The following TMEM167B variants were observed in gnomAD, a reference collection of about 807,000 sequenced individuals.
TMEM167B encodes the protein transmembrane protein 167B.
A neutral mutation model predicts 9.4 loss-of-function variants in TMEM167B; 2 were observed. The ratio of observed to expected loss-of-function variants is 0.21; its 90% CI spans 0.09 to 0.67. The LOEUF (loss-of-function observed/expected upper bound fraction) is 0.67. TMEM167B is among the 30% of genes least tolerant of loss of function. TMEM167B has a pLI of 0.82. For missense variants in TMEM167B, 68 were observed against 87.6 expected (o/e 0.78, Z 0.89); for synonymous variants, 28 against 32.0 (o/e 0.87, Z 0.42).
At chr1:109,091,212 G>A (rs1351744864) in intron 1 of TMEM167B, among the ~76,000 whole-genome samples, 3 of 152,180 alleles carry the variant, frequency 2.0e-5, no homozygotes, top group Non-Finnish European at 2.9e-5. Context: ...GGAAGAGAGA[G>A]GCTCCTCCTC....
chr1:109,095,190 T>C lies in TMEM167B; in HGVS notation c.*691T>C, dbSNP rs1272176844. ...GTGATGAGACCAGAAAGCAGTGGCT[T>C]AGACAAGAAAAAATCTTTCTGTTCA... On this transcript the variant is annotated 3_prime_UTR_variant, in exon 3 of 3. Transcript: ENST00000338272. 1 of 152,216 alleles carries C rather than the reference T, an allele frequency of 6.6e-6. No homozygotes were observed. Among genetic ancestry groups the C allele is most frequent in the African/African-American group, 2.4e-5 (1 of 41,434 alleles). The allele number at this position is 152,216 out of a possible 1,614,324, so 9.4% of individuals were successfully genotyped here.
In TMEM167B at chr1:109,096,555, T is replaced by C. The variant is rs923624859; in HGVS notation, c.*2056T>C. 6.6e-6 allele frequency: 1 copy of C among 152,236 alleles called. No homozygotes were observed. The highest frequency in any genetic ancestry group is 2.4e-5 in the African/African-American group (1 of 41,458). The allele number at this position is 152,236 out of a possible 1,614,324, so 9.4% of individuals were successfully genotyped here. A position where few individuals can be genotyped will look rare whatever the true frequency, so the allele number is the denominator to read the frequency against. ...CGTCTTGACCCAAACTCTTGTGTTG[T>C]TACATTTTGAGAGGTTTTCATACCA... On this transcript the variant is annotated 3_prime_UTR_variant, in exon 3 of 3. Transcript: ENST00000338272.
At chr1:109,093,309 C>A (rs148067233) in intron 2 of TMEM167B, 20 of 316,438 alleles carry the variant, frequency 6.3e-5, no homozygotes, top group African/African-American at 3.6e-4. Flanking sequence ...CCGGGCAACA[C>A]AGTGAGACCC....
In TMEM167B at chr1:109,096,299, A is replaced by T. The variant is rs1412861273; in HGVS notation, c.*1800A>T. The T allele has an allele frequency of 6.6e-5, 10 of 152,216 alleles. No homozygotes were observed. The highest frequency in any genetic ancestry group is 6.5e-4 in the Admixed American group (10 of 15,286). The allele number at this position is 152,216 out of a possible 1,614,324, so 9.4% of individuals were successfully genotyped here. On this transcript the variant is annotated 3_prime_UTR_variant, in exon 3 of 3. Transcript: ENST00000338272. ...AGAAAGGAAATCTAGTGGAACAGGA[A>T]AGAGAGTTACACCTTGTGGGTGTGA...
rs1324400108 is a variant in TMEM167B at position 109,096,780 on chromosome 1, G to A, written c.*2281G>A. On this transcript the variant is annotated 3_prime_UTR_variant, in exon 3 of 3. Transcript: ENST00000338272. ...GGGAATCTTTTACAGGTGGAGGAAT[G>A]GGGATAGCAGTATTGCCTCAGATTC... The A allele has an allele frequency of 6.6e-6, 1 of 152,206 alleles. No homozygotes were observed. Among genetic ancestry groups the A allele is most frequent in the Non-Finnish European group, 1.5e-5 (1 of 68,042 alleles). The allele number at this position is 152,206 out of a possible 1,614,324, so 9.4% of individuals were successfully genotyped here.
In TMEM167B at chr1:109,090,810, C is replaced by T. The variant is rs952662718; in HGVS notation, c.-63C>T. On this transcript the variant is annotated 5_prime_UTR_variant, in exon 1 of 3. Coordinates refer to ENST00000338272, the MANE Select transcript of TMEM167B (RefSeq NM_020141.4). ...ATCGGGAAGTGTCAAGCGGGCGCTC[C>T]CCCATCTCCGCCGCTATTACCACTG... 8 of 1,558,182 alleles carry T rather than the reference C, an allele frequency of 5.1e-6. No homozygotes were observed. Among genetic ancestry groups the T allele is most frequent in the Middle Eastern group, 1.7e-4 (1 of 6,008 alleles).
chr1:109,091,025 A>G, intron 1 of TMEM167B, 143 bp downstream of exon 1: 1 of 936,540 alleles, frequency 1.1e-6, no homozygotes. Context: ...TAACTTCTGT[A>G]CCCCTATACT....
chr1:109,093,865 G>C (rs1378931325), intron 2 of TMEM167B: 1 of 152,836 alleles, frequency 6.5e-6, no homozygotes, highest in Non-Finnish European at 1.5e-5. Context: ...GGCCGGATGC[G>C]GTGGCTCATG....
Position 109,090,900 on chromosome 1 carries a change from G to A in TMEM167B, c.10+18G>A, listed in dbSNP as rs750847784. On this transcript the variant is annotated intron_variant, in intron 1 of 2. Transcript: ENST00000338272. ...GACGAACGGTGAGAACTGATGCCCT[G>A]AGCGGAGGGTGGGAGTGAAGGACGA... 6.3e-7 allele frequency: 1 copy of A among 1,587,398 alleles called. No homozygotes were observed.
At position 109,090,930 on chromosome 1, in the gene TMEM167B, A is replaced by C. The variant is rs748953384; in HGVS notation, c.10+48A>C. On this transcript the variant is annotated intron_variant, in intron 1 of 2. Coordinates refer to ENST00000338272, the MANE Select transcript of TMEM167B (RefSeq NM_020141.4). ...GAGGGTGGGAGTGAAGGACGAAGGG[A>C]AAACGTGGCGGGCGGGGCCGGGACT... 1.9e-6 allele frequency: 3 copies of C among 1,563,400 alleles called. No individual in the cohort carries two copies. The African/African-American group carries it at 4.1e-5, about 21-fold the overall frequency.
chr1:109,093,916 C>T (rs1353955198), intron 2 of TMEM167B: 1 of 154,682 alleles, frequency 6.5e-6, no homozygotes, highest in African/African-American at 2.4e-5. Flanking sequence ...GAGGGCAGAT[C>T]ACCCAAGGTC....
intron 1 of TMEM167B, among the ~76,000 whole-genome samples, 178 bp downstream of exon 1, chr1:109,091,060 A>C (rs1225173152): frequency 2.7e-5 from 4 of 148,582 alleles, no homozygotes; most frequent in African/African-American, 1.0e-4. Context: ...CCCTTCCCAT[A>C]TTCATCTAGG....
At position 109,096,805 on chromosome 1, in the gene TMEM167B, C is replaced by T. The variant is rs575473153; in HGVS notation, c.*2306C>T. 61 of 152,196 alleles carry T rather than the reference C, an allele frequency of 4.0e-4. No homozygotes were observed. The highest frequency in any genetic ancestry group is 7.8e-4 in the Non-Finnish European group (53 of 68,032). 9.4% of individuals were successfully genotyped at this position (152,196 alleles called of 1,614,324 possible). On this transcript the variant is annotated 3_prime_UTR_variant, in exon 3 of 3. Transcript: ENST00000338272. ...GGGGATAGCAGTATTGCCTCAGATT[C>T]AAACTGGCATCACCATAAACCCTGT...
chr1:109,092,933 T>C lies in TMEM167B; in HGVS notation c.54T>C (p.Val18=). 1 of 1,614,162 alleles carries C rather than the reference T, an allele frequency of 6.2e-7. No homozygotes were observed. The highest frequency in any genetic ancestry group is 8.5e-7 in the Non-Finnish European group (1 of 1,180,034). Residue 18 remains valine, a synonymous_variant, in exon 2 of 3, where the codon GTT becomes GTC. Transcript: ENST00000338272. ...DGILVFGLLF[V]CTCAYFKKVP... ...TTCTGGTGTTTGGTTTGCTCTTTGTTTGCACCTGTGCCTACTTCAAGAAAG... is the reference window on the plus strand; with the variant it reads ...TTCTGGTGTTTGGTTTGCTCTTTGTCTGCACCTGTGCCTACTTCAAGAAAG...
chr1:109,092,803 C>A (rs747964973), intron 1 of TMEM167B, 87 bp from the exon 2 acceptor site: 103 of 1,467,460 alleles, frequency 7.0e-5, no homozygotes, highest in Non-Finnish European at 9.2e-5. Context: ...TTATGTCACA[C>A]ACTATCTTCC....
At position 109,095,771 on chromosome 1, in the gene TMEM167B, C is replaced by A. The variant is rs1373269828; in HGVS notation, c.*1272C>A. On this transcript the variant is annotated 3_prime_UTR_variant, in exon 3 of 3. Transcript: ENST00000338272. Reference sequence around the variant, plus strand: ...AGAAAACAGAACTTTGCAATTGATACTGAAGTACTTTGCCATGGAGTTAGT... The same window carrying A: ...AGAAAACAGAACTTTGCAATTGATAATGAAGTACTTTGCCATGGAGTTAGT... 6.6e-6 allele frequency: 1 copy of A among 152,140 alleles called. No individual in the cohort carries two copies. The highest frequency in any genetic ancestry group is 1.5e-5 in the Non-Finnish European group (1 of 68,048). 9.4% of individuals were successfully genotyped at this position (152,140 alleles called of 1,614,324 possible). A position where few individuals can be genotyped will look rare whatever the true frequency, so the allele number is the denominator to read the frequency against.
In TMEM167B at chr1:109,094,761, A is replaced by G. The variant is rs17838311; in HGVS notation, c.*262A>G. On this transcript the variant is annotated 3_prime_UTR_variant, in exon 3 of 3. Coordinates refer to ENST00000338272, the MANE Select transcript of TMEM167B (RefSeq NM_020141.4). ...AGTGCATATAATGTCCGGATAAATT[A>G]CACCCCTCGGTGATAAGATTACATA... 4.0e-4 allele frequency: 174 copies of G among 436,372 alleles called. No homozygotes were observed. The East Asian group carries it at 5.1e-3, about 13-fold the overall frequency. The allele number at this position is 436,372 out of a possible 1,614,324, so 27.0% of individuals were successfully genotyped here.
intron 1 of TMEM167B, among the ~76,000 whole-genome samples, chr1:109,091,953 T>C (rs939150894): frequency 1.3e-5 from 2 of 152,180 alleles, no homozygotes; most frequent in Non-Finnish European, 2.9e-5. Context: ...AAAGGGAATT[T>C]ACCCAGAGGA....
chr1:109,093,146 G>C (rs1664488884), intron 2 of TMEM167B, 125 bp downstream of exon 2: 2 of 1,323,190 alleles, frequency 1.5e-6, no homozygotes, highest in Non-Finnish European at 2.1e-6. Context: ...CCCTCCGATT[G>C]GGTCTGAGAG....
Sources: gnomAD v4.1 joint callset for allele counts (sites outside exome capture counted in the v4.1 genomes callset) on GRCh38, gnomAD v4.1.1 for gene constraint, MANE v1.5 for transcripts, NCBI Gene and HGNC (gene_info 2026-07-23, HGNC 2026-07-21) for gene names.